Variants in HECW1 observed in about 807,000 individuals in gnomAD.
The protein encoded by HECW1 is E3 ubiquitin-protein ligase HECW1.
A neutral mutation model predicts 182.3 loss-of-function variants in HECW1; 61 were observed. That is an observed-to-expected ratio of 0.33 (90% CI 0.27 to 0.41). HECW1 has a LOEUF of 0.41. Among genes scored for constraint, HECW1 ranks in the 10% least tolerant of loss-of-function variants. The probability of loss-of-function intolerance (pLI) is 1.00; values close to 1 mark genes in which losing one functional copy is unlikely to be tolerated. For missense variants in HECW1, 1,739 were observed against 2,108.9 expected (o/e 0.82, Z 3.44); for synonymous variants, 859 against 832.6 (o/e 1.03, Z -0.55).
intron 21 of HECW1, 35 bp downstream of exon 21, chr7:43,501,357 T>C: frequency 8.5e-7 from 1 of 1,179,416 alleles, no homozygotes; most frequent in Non-Finnish European, 1.3e-6. Flanking sequence ...TCCTGTTAAG[T>C]GGCCACGTGT....
At chr7:43,365,021 C>T (rs768654515) in intron 6 of HECW1, among the ~76,000 whole-genome samples, 2 of 152,226 alleles carry the variant, frequency 1.3e-5, no homozygotes, top group South Asian at 4.1e-4. Context: ...CTTAGCCCAA[C>T]ACACAGTCCA....
At chr7:43,363,187 G>A (rs1462980712) in intron 6 of HECW1, among the ~76,000 whole-genome samples, 1 of 152,158 alleles carries the variant, frequency 6.6e-6, no homozygotes, top group Non-Finnish European at 1.5e-5. Flanking sequence ...CCAGAAAATG[G>A]CCTCTAAAGT....
At chr7:43,452,921 G>T (rs2077281604) in intron 12 of HECW1, among the ~76,000 whole-genome samples, 1 of 152,218 alleles carries the variant, frequency 6.6e-6, no homozygotes, top group Non-Finnish European at 1.5e-5. Flanking sequence ...GAAACACCCT[G>T]CTGGGTTTAA....
intron 2 of HECW1, among the ~76,000 whole-genome samples, chr7:43,153,424 G>A (rs1257971912): frequency 6.6e-6 from 1 of 152,208 alleles, no homozygotes; most frequent in Non-Finnish European, 1.5e-5. Context: ...GTCTCATAGA[G>A]ATTTTGGTTG....
chr7:43,279,483 G>A (rs1164132589), intron 3 of HECW1, among the ~76,000 whole-genome samples: 1 of 152,072 alleles, frequency 6.6e-6, no homozygotes, highest in Non-Finnish European at 1.5e-5. Context: ...CTCATCTAGA[G>A]CCTAACCCGA....
At chr7:43,248,674 C>A in intron 3 of HECW1, 1 of 121,942 alleles carries the variant, frequency 8.2e-6, no homozygotes, top group South Asian at 2.3e-4. Flanking sequence ...TACTCTCCCT[C>A]CTCCTCCTCC....
chr7:43,292,991 A>C (rs1403086136), intron 3 of HECW1, among the ~76,000 whole-genome samples: 1 of 152,280 alleles, frequency 6.6e-6, no homozygotes, highest in Admixed American at 6.5e-5. Context: ...TTGGGAGGCC[A>C]AGGCGGGTGG....
At chr7:43,364,809 T>A (rs957315268) in intron 6 of HECW1, among the ~76,000 whole-genome samples, 1 of 152,254 alleles carries the variant, frequency 6.6e-6, no homozygotes, top group African/African-American at 2.4e-5. Flanking sequence ...TTTATGTCTT[T>A]CTTTTATTTT....
At chr7:43,363,642 C>G (rs1489081976) in intron 6 of HECW1, among the ~76,000 whole-genome samples, 1 of 152,126 alleles carries the variant, frequency 6.6e-6, no homozygotes, top group Non-Finnish European at 1.5e-5. Flanking sequence ...CCTGGAGTCC[C>G]AGGGCAGAAG....
intron 24 of HECW1, among the ~76,000 whole-genome samples, chr7:43,514,987 T>C (rs1474443372): frequency 1.3e-5 from 2 of 152,150 alleles, no homozygotes; most frequent in East Asian, 3.9e-4. Flanking sequence ...CAAAGTCAGA[T>C]ATATAATTGG....
intron 2 of HECW1, among the ~76,000 whole-genome samples, chr7:43,199,768 G>A (rs185333017): frequency 2.3e-3 from 352 of 152,244 alleles, no homozygotes; most frequent in African/African-American, 8.1e-3. Flanking sequence ...TGAGTAGGAA[G>A]GGGCTTTTAT....
chr7:43,264,700 C>T (rs1337137070), intron 3 of HECW1, among the ~76,000 whole-genome samples: 2 of 151,958 alleles, frequency 1.3e-5, no homozygotes. Flanking sequence ...AAAAATTAGC[C>T]AGGTGTGGTG....
chr7:43,166,636 A>G (rs554506919), intron 2 of HECW1, among the ~76,000 whole-genome samples: 151 of 152,374 alleles, frequency 9.9e-4, no homozygotes, highest in Non-Finnish European at 1.3e-3. Context: ...AGTATACATT[A>G]TCCTTCAGAT....
chr7:43,460,611 G>A (rs1213406548), intron 13 of HECW1, among the ~76,000 whole-genome samples: 1 of 151,990 alleles, frequency 6.6e-6, no homozygotes, highest in Non-Finnish European at 1.5e-5. Context: ...TGACTTTCTA[G>A]CTAATTTTCA....
At chr7:43,394,618 G>A (rs564422642) in intron 6 of HECW1, among the ~76,000 whole-genome samples, 57 of 152,256 alleles carry the variant, frequency 3.7e-4, no homozygotes, top group African/African-American at 1.3e-3. Context: ...TAAGGGGTAT[G>A]GCATCCAATG....
intron 3 of HECW1, among the ~76,000 whole-genome samples, chr7:43,287,299 A>G (rs1397806342): frequency 6.6e-6 from 1 of 152,090 alleles, no homozygotes; most frequent in Non-Finnish European, 1.5e-5. Context: ...AGGGAGAGCC[A>G]GAGGCCCAGA....
At chr7:43,227,287 A>AT (rs11361472) in intron 2 of HECW1, among the ~76,000 whole-genome samples, 24 of 151,052 alleles carry the variant, frequency 1.6e-4, no homozygotes, top group East Asian at 1.9e-4. Flanking sequence ...ACAAATGGTC[A>AT]TTTTTTTTTA....
At chr7:43,151,756 G>C (rs1789357728) in intron 2 of HECW1, among the ~76,000 whole-genome samples, 2 of 152,112 alleles carry the variant, frequency 1.3e-5, no homozygotes, top group South Asian at 4.1e-4. Flanking sequence ...TGAGAGGATA[G>C]ATTTAGTGTA....
intron 5 of HECW1, among the ~76,000 whole-genome samples, chr7:43,323,724 T>C (rs1437732092): frequency 6.6e-6 from 1 of 152,016 alleles, no homozygotes; most frequent in Non-Finnish European, 1.5e-5. Flanking sequence ...AGCAGCAGCA[T>C]CCTATAAAAA....
Sources: allele counts gnomAD v4.1 joint callset (sites outside exome capture counted in the v4.1 genomes callset), GRCh38; gene constraint gnomAD v4.1.1; transcripts MANE v1.5; gene names NCBI Gene and HGNC (gene_info 2026-07-23, HGNC 2026-07-21).